Variants in TRPS1 observed in about 807,000 individuals in gnomAD.
TRPS1 encodes transcriptional repressor GATA binding 1.
In TRPS1, 6 loss-of-function variants were observed where a neutral mutation model predicts 101.2. That is an observed-to-expected ratio of 0.06 (90% confidence interval 0.03 to 0.12). The LOEUF is 0.12. Among genes scored for constraint, TRPS1 ranks in the 10% least tolerant of loss-of-function variants. TRPS1 has a pLI of 1.00. For synonymous variants in TRPS1, 578 were observed against 589.8 expected, an observed-to-expected ratio of 0.98 and a Z score of 0.29; for missense variants, 1,363 against 1,567.0, an observed-to-expected ratio of 0.87 and a Z score of 2.20.
At position 115,605,000 on chromosome 8, in the gene TRPS1, C is replaced by T. The variant is rs747585570; in HGVS notation, c.969G>A (p.Val323=). ...TGCCAATGAATGTTCCACCTGAAGT[C>T]ACCTGGAGAACAGAAGAAATGGACT... is the stretch of plus-strand genomic sequence containing the variant. The part of the protein sequence containing the change: ...VLLNGTYDVQ[V]TSGGTFIGIG... The change falls in exon 4 of 7, where the codon GTG becomes GTA. Residue 323 remains valine (V), a splice_region_variant and synonymous_variant. Coordinates refer to ENST00000395715, the MANE Select transcript of TRPS1 (RefSeq NM_014112.5). The surrounding 1 kb of genome is among the most constrained non-coding windows in gnomAD (Gnocchi z 4.1). 2 of 1,613,024 alleles carry T rather than the reference C, an allele frequency of 1.2e-6. No individual in the cohort carries two copies. The highest frequency in any genetic ancestry group is 2.2e-5 in the South Asian group (2 of 91,056).
At chr8:115,654,935 C>A (rs1811646255) in intron 1 of TRPS1, among the ~76,000 whole-genome samples, 1 of 152,118 alleles carries the variant, frequency 6.6e-6, no homozygotes, top group South Asian at 2.1e-4. Flanking sequence ...ATTCTCATAT[C>A]CATGTGCAAA....
At chr8:115,579,148 A>C (rs1817387072) in intron 5 of TRPS1, among the ~76,000 whole-genome samples, 1 of 152,166 alleles carries the variant, frequency 6.6e-6, no homozygotes, top group African/African-American at 2.4e-5. Context: ...TCCATCCAGT[A>C]ATAAATTAAT....
chr8:115,637,851 C>A (rs1353335669), intron 1 of TRPS1, among the ~76,000 whole-genome samples: 1 of 152,106 alleles, frequency 6.6e-6, no homozygotes, highest in South Asian at 2.1e-4. Flanking sequence ...CTCTTGACAC[C>A]CATCTGTTTG....
In TRPS1 at chr8:115,469,395, A is replaced by AT. The variant is rs1044195745; in HGVS notation, c.2701-50944dup. ...TCTTTAGTAAATGGGTAAATAAGGAATTTTTTTTTGAGCTATGGCTTTGCC... is the reference window on the plus strand; with the variant it reads ...TCTTTAGTAAATGGGTAAATAAGGAATTTTTTTTTTGAGCTATGGCTTTGCC... On this transcript the variant is annotated intron_variant, in intron 5 of 6. Coordinates refer to ENST00000395715, the MANE Select transcript of TRPS1 (RefSeq NM_014112.5). Among the ~76,000 whole-genome samples the AT allele has an allele frequency of 5.3e-5, 8 of 151,828 alleles. No individual in the cohort carries two copies. The East Asian group carries it at 7.7e-4, about 15-fold the overall frequency.
chr8:115,667,855 C>T, intron 1 of TRPS1: 1 of 1,535,512 alleles, frequency 6.5e-7, no homozygotes, highest in Non-Finnish European at 8.7e-7. Context: ...CCCGACCCTC[C>T]CGAGTTCGCC....
At position 115,587,553 on chromosome 8, in the gene TRPS1, A is replaced by AAAAC; in HGVS notation, c.2147_2148insGTTT (p.Asp716GlufsTer42). ...TGAAGTGCTCCAGTAGTGACTGAGT[A>AAAAC]TCGGCAGCTGTAAAACTGCACTGAC... is the stretch of plus-strand genomic sequence containing the variant. On this transcript the variant is annotated frameshift_variant, in exon 5 of 7. Transcript: ENST00000395715. LOFTEE classifies it high-confidence loss of function. 1.2e-6 allele frequency: 2 copies of AAAAC among 1,614,166 alleles called. No homozygotes were observed. Among genetic ancestry groups the AAAAC allele is most frequent in the Non-Finnish European group, 1.7e-6 (2 of 1,180,008 alleles).
At chr8:115,556,447 T>C (rs1270541375) in intron 5 of TRPS1, among the ~76,000 whole-genome samples, 1 of 152,056 alleles carries the variant, frequency 6.6e-6, no homozygotes, top group Non-Finnish European at 1.5e-5. Flanking sequence ...TCTCTCGGAG[T>C]CAACTGTACA....
chr8:115,436,437 G>A (rs996945242), intron 5 of TRPS1, among the ~76,000 whole-genome samples: 3 of 152,106 alleles, frequency 2.0e-5, no homozygotes, highest in African/African-American at 7.2e-5. Flanking sequence ...CCTCAAATAG[G>A]GTCTTGTTGG....
intron 5 of TRPS1, among the ~76,000 whole-genome samples, chr8:115,471,275 T>C (rs1814461879): frequency 6.6e-6 from 1 of 152,054 alleles, no homozygotes. Context: ...AAACTTACAA[T>C]TGTGGAAGAA....
intron 5 of TRPS1, among the ~76,000 whole-genome samples, chr8:115,449,778 T>G (rs1380071408): frequency 6.6e-6 from 1 of 152,190 alleles, no homozygotes; most frequent in African/African-American, 2.4e-5. Context: ...AACTAGCTAT[T>G]TAACCTGATC....
rs538461685 is a variant in TRPS1, at chr8:115,435,201, T to G, written c.2701-16749A>C. Among the ~76,000 whole-genome samples the G allele has an allele frequency of 2.2e-4, 33 of 152,312 alleles. No homozygotes were observed. The East Asian group carries it at 4.4e-3, about 21-fold the overall frequency. On this transcript the variant is annotated intron_variant, in intron 5 of 6. Coordinates refer to ENST00000395715, the MANE Select transcript of TRPS1 (RefSeq NM_014112.5). ...ATCAATCAATTTATTGACCTATCTATCTAGCTAGCTACTGAAGTTCTCACA... is the reference window on the plus strand; with the variant it reads ...ATCAATCAATTTATTGACCTATCTAGCTAGCTAGCTACTGAAGTTCTCACA...
At chr8:115,431,672 G>T (rs555460158) in intron 5 of TRPS1, among the ~76,000 whole-genome samples, 8 of 151,832 alleles carry the variant, frequency 5.3e-5, no homozygotes, top group Non-Finnish European at 1.2e-4. Flanking sequence ...ATTCCCTCAT[G>T]CATGTTTTAT....
At chr8:115,579,957 C>A (rs1388746967) in intron 5 of TRPS1, among the ~76,000 whole-genome samples, 1 of 152,058 alleles carries the variant, frequency 6.6e-6, no homozygotes, top group African/African-American at 2.4e-5. Flanking sequence ...TCACTCCTAA[C>A]CACTGATATA....
intron 5 of TRPS1, among the ~76,000 whole-genome samples, chr8:115,584,959 T>C (rs747044941): frequency 3.3e-5 from 5 of 152,162 alleles, no homozygotes; most frequent in Non-Finnish European, 5.9e-5. Flanking sequence ...TAAATTTTAT[T>C]GCAACCACAG....
At chr8:115,582,251 A>G (rs1349048291) in intron 5 of TRPS1, among the ~76,000 whole-genome samples, 2 of 152,184 alleles carry the variant, frequency 1.3e-5, no homozygotes, top group Non-Finnish European at 2.9e-5. Flanking sequence ...TTTTCACTTC[A>G]GACCATCTTT....
intron 5 of TRPS1, among the ~76,000 whole-genome samples, chr8:115,420,944 A>G (rs942635849): frequency 6.6e-5 from 10 of 151,702 alleles, no homozygotes; most frequent in Non-Finnish European, 8.8e-5. Flanking sequence ...TAATCTTTCA[A>G]TGCTTAAAGT....
At chr8:115,611,286 T>C (rs1409961779) in intron 3 of TRPS1, among the ~76,000 whole-genome samples, 1 of 152,112 alleles carries the variant, frequency 6.6e-6, no homozygotes, top group African/African-American at 2.4e-5. Context: ...TGGAGATATG[T>C]CAGAATTGCA....
At chr8:115,639,502 C>A (rs1818846944) in intron 1 of TRPS1, among the ~76,000 whole-genome samples, 1 of 152,134 alleles carries the variant, frequency 6.6e-6, no homozygotes, top group African/African-American at 2.4e-5. Flanking sequence ...ATCAATGTTT[C>A]TCTTAAACAG....
intron 5 of TRPS1, among the ~76,000 whole-genome samples, chr8:115,554,737 C>T (rs191640635): frequency 3.9e-5 from 6 of 152,070 alleles, no homozygotes; most frequent in East Asian, 1.9e-4. Context: ...GAGGCCAAAA[C>T]GAAGAGATAA....
Sources: gnomAD v4.1 joint callset for allele counts (sites outside exome capture counted in the v4.1 genomes callset) on GRCh38, gnomAD v4.1.1 for gene constraint, Gnocchi (gnomAD v3.1) non-coding constraint, MANE v1.5 for transcripts, NCBI Gene and HGNC (gene_info 2026-07-23, HGNC 2026-07-21) for gene names.